The following MAF variants were observed in gnomAD, a reference collection of about 807,000 sequenced individuals.
MAF encodes MAF bZIP transcription factor.
Under a neutral mutation model 22.0 loss-of-function variants are expected in MAF, and 10 were observed. The ratio of observed to expected loss-of-function variants is 0.45; its 90% confidence interval spans 0.28 to 0.77. The LOEUF is 0.77. Ranked by LOEUF, MAF falls within the 30% of genes least tolerant of loss-of-function variation. The pLI, the probability that MAF is intolerant of heterozygous loss-of-function variation, is 0.12. For missense variants in MAF, 544 were observed against 548.4 expected, an observed-to-expected ratio of 0.99 and a Z score of 0.08; for synonymous variants, 337 against 255.8, an observed-to-expected ratio of 1.32 and a Z score of -3.03.
the MAF span, among the ~76,000 whole-genome samples, chr16:79,307,652 T>C: frequency 6.6e-6 from 1 of 152,134 alleles, no homozygotes; most frequent in Non-Finnish European, 1.5e-5. Flanking sequence ...GAAAAAAATA[T>C]ATATAACCAC....
chr16:79,428,657 T>C, the MAF span, among the ~76,000 whole-genome samples: 2 of 151,850 alleles, frequency 1.3e-5, no homozygotes, highest in Admixed American at 6.6e-5. Flanking sequence ...CTGAGCAACT[T>C]AGTGAGACAC....
At chr16:79,248,082 C>T in the MAF span, among the ~76,000 whole-genome samples, 1 of 152,054 alleles carries the variant, frequency 6.6e-6, no homozygotes, top group Admixed American at 6.6e-5. Flanking sequence ...AGAAGGTTCA[C>T]CCTCATGTCG....
the MAF span, among the ~76,000 whole-genome samples, chr16:79,426,188 A>G: frequency 4.0e-5 from 6 of 148,870 alleles, no homozygotes; most frequent in African/African-American, 1.5e-4. Context: ...CCTGGGCGAG[A>G]GAGCGAGAGT....
downstream of MAF, among the ~76,000 whole-genome samples, chr16:79,592,853 T>G (rs1217836683): frequency 6.6e-6 from 1 of 152,156 alleles, no homozygotes; most frequent in Non-Finnish European, 1.5e-5. Context: ...TTTTCAAAAA[T>G]CAAATGACAG....
chr16:79,362,869 T>A, the MAF span, among the ~76,000 whole-genome samples: 1 of 152,252 alleles, frequency 6.6e-6, no homozygotes, highest in East Asian at 1.9e-4. Flanking sequence ...TGTGCATTTA[T>A]ATCTTTTAAG....
chr16:79,464,713 A>T, the MAF span, among the ~76,000 whole-genome samples: 1 of 152,332 alleles, frequency 6.6e-6, no homozygotes, highest in Non-Finnish European at 1.5e-5. Flanking sequence ...ACCATGGGTC[A>T]GAGGGGACTG....
chr16:79,562,714 C>T, the MAF span, among the ~76,000 whole-genome samples: 1 of 152,138 alleles, frequency 6.6e-6, no homozygotes, highest in East Asian at 1.9e-4. Flanking sequence ...GAAGGCCACC[C>T]ACTCACCACA....
chr16:79,390,707 T>G, the MAF span, among the ~76,000 whole-genome samples: 2 of 152,142 alleles, frequency 1.3e-5, no homozygotes, highest in East Asian at 1.9e-4. Context: ...AACCAGAAAC[T>G]AAACTTAGAA....
chr16:79,317,803 C>T, the MAF span, among the ~76,000 whole-genome samples: 6 of 152,314 alleles, frequency 3.9e-5, no homozygotes, highest in South Asian at 4.1e-4. Context: ...ACATCATCTG[C>T]ACTTCTCTTT....
chr16:79,302,828 A>C, the MAF span, among the ~76,000 whole-genome samples: 6 of 152,362 alleles, frequency 3.9e-5, no homozygotes, highest in African/African-American at 1.4e-4. Flanking sequence ...GCAGCAAATG[A>C]AGACAAGCTG....
chr16:79,380,490 T>A, the MAF span, among the ~76,000 whole-genome samples: 1 of 152,322 alleles, frequency 6.6e-6, no homozygotes, highest in South Asian at 2.1e-4. Context: ...AGAGGAAAAG[T>A]GAAAACTCAG....
Position 79,599,293 on chromosome 16 carries a change from C to G in MAF, c.610G>C (p.Gly204Arg). ...CCACCGGCCGAGGCGGCCGCGCTGC[C>G]CGCGGCGCCGGGCGCGCCGGCCGTC... The part of the protein sequence containing the change: ...HPTAGAPGAA[G>R]SAAASAGGAG... Residue 204 changes from glycine (G) to arginine (R), a missense_variant, in exon 1 of 2, where the codon GGC (glycine) becomes CGC (arginine). Gly to Arg is a moderately radical substitution (Grantham distance 125, BLOSUM62 -2). Around this residue, in one of 5 missense-constraint regions of MAF, gnomAD observed 342 missense variants for 315.5 expected, o/e 1.08. Transcript: ENST00000326043. 3.1e-6 allele frequency: 3 copies of G among 979,924 alleles called. No homozygotes were observed. The highest frequency in any genetic ancestry group is 3.6e-6 in the Non-Finnish European group (3 of 828,034). The allele number at this position is 979,924 out of a possible 1,614,324, so 60.7% of individuals were successfully genotyped here.
chr16:79,221,053 T>C, the MAF span, among the ~76,000 whole-genome samples: 2 of 152,256 alleles, frequency 1.3e-5, no homozygotes, highest in Admixed American at 1.3e-4. Context: ...AAACTTTGGG[T>C]CAGCTCGTTT....
the MAF span, among the ~76,000 whole-genome samples, chr16:79,293,162 C>G: frequency 3.9e-3 from 601 of 152,202 alleles, 6 homozygotes; most frequent in Middle Eastern, 0.014. Flanking sequence ...AGTTTTCTTG[C>G]GTGAGGTCCA....
At chr16:79,289,471 A>C in the MAF span, among the ~76,000 whole-genome samples, 1 of 152,158 alleles carries the variant, frequency 6.6e-6, no homozygotes, top group African/African-American at 2.4e-5. Context: ...AGGCAGAGGA[A>C]GCAGGTTTTT....
At chr16:79,485,535 A>T in the MAF span, among the ~76,000 whole-genome samples, 6 of 152,220 alleles carry the variant, frequency 3.9e-5, no homozygotes, top group African/African-American at 1.4e-4. Context: ...CAACAGTCCT[A>T]CAACTGTACA....
the MAF span, among the ~76,000 whole-genome samples, chr16:79,215,837 C>G: frequency 6.6e-6 from 1 of 152,192 alleles, no homozygotes; most frequent in African/African-American, 2.4e-5. Context: ...CAAAGCACAA[C>G]GTCCTACTCC....
the MAF span, among the ~76,000 whole-genome samples, chr16:79,238,887 C>T: frequency 6.6e-6 from 1 of 151,974 alleles, no homozygotes; most frequent in Admixed American, 6.6e-5. Context: ...CCCCAGCACA[C>T]TCCATCTTGA....
At chr16:79,218,488 T>TC in the MAF span, among the ~76,000 whole-genome samples, 7 of 152,222 alleles carry the variant, frequency 4.6e-5, no homozygotes, top group African/African-American at 1.2e-4. Flanking sequence ...ATCCAACAGC[T>TC]CCTACTGGCC....
Sources: allele counts gnomAD v4.1 joint callset (sites outside exome capture counted in the v4.1 genomes callset), GRCh38; gene constraint gnomAD v4.1.1; regional missense constraint gnomAD v4.1.1; transcripts MANE v1.5; gene names NCBI Gene and HGNC (gene_info 2026-07-23, HGNC 2026-07-21).